SMARCB1: variants seen among roughly 807,000 people sequenced by gnomAD.
SMARCB1 encodes SWI/SNF-related matrix-associated actin-dependent regulator of chromatin subfamily B member 1.
A neutral mutation model predicts 49.0 loss-of-function variants in SMARCB1; 5 were observed. The ratio of observed to expected loss-of-function variants is 0.10; its 90% CI spans 0.05 to 0.21. The LOEUF (loss-of-function observed/expected upper bound fraction) is 0.21, where lower values mean the gene tolerates loss of function less well. Ranked by LOEUF, SMARCB1 falls within the 10% of genes least tolerant of loss-of-function variation. The probability of loss-of-function intolerance (pLI) is 1.00; values close to 1 mark genes in which losing one functional copy is unlikely to be tolerated. For missense variants in SMARCB1, 226 were observed against 509.2 expected (o/e 0.44, Z 5.35); for synonymous variants, 201 against 200.1 (o/e 1.00, Z -0.04).
chr22:23,832,706 C>T (rs2030719497), intron 7 of SMARCB1, among the ~76,000 whole-genome samples: 1 of 152,258 alleles, frequency 6.6e-6, no homozygotes, highest in African/African-American at 2.4e-5. Context: ...CACACGGGCC[C>T]TGTGGCATCC....
At position 23,836,352 on chromosome 22, in the gene SMARCB1, A is replaced by T. The variant is rs35961970; in HGVS notation, c.*2172A>T. 2 of 985,502 alleles carry T rather than the reference A, an allele frequency of 2.0e-6. No homozygotes were observed. The highest frequency in any genetic ancestry group is 3.5e-5 in the African/African-American group (2 of 57,250). 61.0% of individuals were successfully genotyped at this position (985,502 alleles called of 1,614,324 possible). ...AGAGGCTAGATTGGCATCAGCCTGA[A>T]GGCACCACTGGCAGGAACATCTGTA... On this transcript the variant is annotated 3_prime_UTR_variant, in exon 9 of 9. Transcript: ENST00000644036.
chr22:23,821,469 AAGTT>A (rs946722003), intron 6 of SMARCB1, among the ~76,000 whole-genome samples: 9 of 151,850 alleles, frequency 5.9e-5, no homozygotes, highest in Non-Finnish European at 8.8e-5. Flanking sequence ...TCCTGGGTTC[AAGTT>A]ATCCTGCCAT....
At position 23,834,956 on chromosome 22, in the gene SMARCB1, G is replaced by A. The variant is rs1350598295; in HGVS notation, c.*776G>A. On this transcript the variant is annotated 3_prime_UTR_variant, in exon 9 of 9. Transcript: ENST00000644036. ...CCCTGCGGAGGGCCCAGTCCTGTGT[G>A]GGCACTGCTGGGCTGTCGCCAGCCT... The A allele has an allele frequency of 1.3e-6, 2 of 1,568,556 alleles. No individual in the cohort carries two copies. Among genetic ancestry groups the A allele is most frequent in the African/African-American group, 1.4e-5 (1 of 73,612 alleles).
Position 23,836,648 on chromosome 22 carries a change from G to T in SMARCB1, c.*2468G>T. ...CTATCCTACCACCTGCAGTTGGGCT[G>T]AGAGGCCACACTGAGTGAGGACGGG... On this transcript the variant is annotated 3_prime_UTR_variant, in exon 9 of 9. Coordinates refer to ENST00000644036, the MANE Select transcript of SMARCB1 (RefSeq NM_003073.5). The T allele has an allele frequency of 8.0e-7, 1 of 1,251,078 alleles. No homozygotes were observed. The highest frequency in any genetic ancestry group is 1.0e-6 in the Non-Finnish European group (1 of 1,002,060). 77.5% of individuals were successfully genotyped at this position (1,251,078 alleles called of 1,614,324 possible). A position where few individuals can be genotyped will look rare whatever the true frequency, so the allele number is the denominator to read the frequency against.
At chr22:23,796,170 T>G (rs149577471) in intron 3 of SMARCB1, among the ~76,000 whole-genome samples, 1 of 152,256 alleles carries the variant, frequency 6.6e-6, no homozygotes, top group African/African-American at 2.4e-5. Context: ...CCTGGGAATT[T>G]GTCCCAAAGA....
In SMARCB1 at chr22:23,790,630, C is replaced by T. The variant is rs181953105; in HGVS notation, c.94-1126C>T. Reference sequence around the variant, plus strand: ...GGCCGAGGTGGGCAGATCGCTTGAGCCCAGGAGTTTGAGACCAGCCTGGGC... The same window carrying T: ...GGCCGAGGTGGGCAGATCGCTTGAGTCCAGGAGTTTGAGACCAGCCTGGGC... On this transcript the variant is annotated intron_variant, in intron 1 of 8. Transcript: ENST00000644036. 5.0e-3 allele frequency among the ~76,000 whole-genome samples: 753 copies of T among 152,082 alleles called. 20 individuals carry two copies. In the South Asian group the frequency reaches 0.085, roughly 17 times the overall value.
chr22:23,819,177 A>G (rs2029940086), intron 6 of SMARCB1, among the ~76,000 whole-genome samples: 1 of 152,066 alleles, frequency 6.6e-6, no homozygotes, highest in African/African-American at 2.4e-5. Flanking sequence ...GCTAAATAAT[A>G]TTCTGTTGTA....
chr22:23,799,096 G>A (rs1327167711), intron 3 of SMARCB1, among the ~76,000 whole-genome samples: 1 of 151,448 alleles, frequency 6.6e-6, no homozygotes, highest in Non-Finnish European at 1.5e-5. Context: ...CTGAATGGTT[G>A]AATAGTTATT....
In SMARCB1 at chr22:23,802,587, A is replaced by C. The variant is rs181438907; in HGVS notation, c.501-708A>C. 365 of 159,800 alleles carry C rather than the reference A, an allele frequency of 2.3e-3. 2 individuals carry two copies. The highest frequency in any genetic ancestry group is 5.4e-3 in the Admixed American group (93 of 17,202). 9.9% of individuals were successfully genotyped at this position (159,800 alleles called of 1,614,324 possible). A position where few individuals can be genotyped will look rare whatever the true frequency, so the allele number is the denominator to read the frequency against. On this transcript the variant is annotated intron_variant, in intron 4 of 8. Coordinates refer to ENST00000644036, the MANE Select transcript of SMARCB1 (RefSeq NM_003073.5). ...CCCAGCGCATTCATGCCTGGCACTC[A>C]GCTCACTTTTCTCTGTCTTCCATCT...
chr22:23,816,723 C>T (rs759764472), intron 5 of SMARCB1, 47 bp from the exon 6 acceptor site: 80 of 1,558,886 alleles, frequency 5.1e-5, no homozygotes, highest in Middle Eastern at 5.0e-4. Flanking sequence ...GGTCCATGCC[C>T]AAGCATGGTG....
At chr22:23,833,256 C>T (rs908604548) in intron 7 of SMARCB1, among the ~76,000 whole-genome samples, 3 of 152,204 alleles carry the variant, frequency 2.0e-5, no homozygotes, top group Non-Finnish European at 4.4e-5. Flanking sequence ...TGGTCCAGCC[C>T]GTGCTGTCCT....
rs763202805 is a variant in SMARCB1, at chr22:23,816,872, A to T, written c.731A>T (p.Gln244Leu). 3 of 1,614,114 alleles carry T rather than the reference A, an allele frequency of 1.9e-6. No homozygotes were observed. The highest frequency in any genetic ancestry group is 2.5e-6 in the Non-Finnish European group (3 of 1,179,976). The change falls in exon 6 of 9, where the codon CAG (glutamine) becomes CTG (leucine). Residue 244 changes from glutamine (Q) to leucine (L), a missense_variant. This residue lies in a region of SMARCB1 where 128 missense variants were observed against 263.9 expected (regional missense o/e 0.49). Coordinates refer to ENST00000644036, the MANE Select transcript of SMARCB1 (RefSeq NM_003073.5). The stretch of plus-strand genomic sequence containing the variant: ...GCCATCGCCTCTGCCATCAGACAGC[A>T]GATCGAGTCCTACCCCACGGACAGC... Reference protein sequence around the residue: ...VPAIASAIRQQIESYPTDSIL... With the variant: ...VPAIASAIRQLIESYPTDSIL...
chr22:23,792,025 G>A, intron 2 of SMARCB1, 131 bp downstream of exon 2: 1 of 969,644 alleles, frequency 1.0e-6, no homozygotes, highest in South Asian at 1.3e-5. Flanking sequence ...TCCCGGGGTG[G>A]GCCGCCCTGT....
intron 3 of SMARCB1, 91 bp downstream of exon 3, chr22:23,793,779 C>T (rs1360568466): frequency 2.3e-5 from 23 of 1,003,740 alleles, no homozygotes; most frequent in Middle Eastern, 2.4e-4. Context: ...TAAATTGAAA[C>T]ACTTTTTTTT....
At chr22:23,816,638 C>G (rs1230019939) in intron 5 of SMARCB1, 132 bp from the exon 6 acceptor site, 2 of 865,318 alleles carry the variant, frequency 2.3e-6, no homozygotes, top group African/African-American at 3.3e-5. Context: ...CCAGGAAGGC[C>G]ACCCCCAGTG....
At chr22:23,794,626 C>T (rs931398181) in intron 3 of SMARCB1, among the ~76,000 whole-genome samples, 10 of 152,140 alleles carry the variant, frequency 6.6e-5, no homozygotes, top group African/African-American at 1.9e-4. Flanking sequence ...TGGCTGGGCA[C>T]GGTGGCTCAC....
intron 5 of SMARCB1, 182 bp downstream of exon 5, chr22:23,803,604 G>C: frequency 1.3e-6 from 1 of 744,188 alleles, no homozygotes; most frequent in East Asian, 2.7e-5. Context: ...GTTCACTGTG[G>C]ATTGGGCCTG....
At chr22:23,821,783 G>A (rs2030099220) in intron 6 of SMARCB1, among the ~76,000 whole-genome samples, 1 of 151,808 alleles carries the variant, frequency 6.6e-6, no homozygotes, top group African/African-American at 2.4e-5. Flanking sequence ...CCTGGGAGGC[G>A]GAGGTTGCAG....
rs1003472492 is a variant in SMARCB1, at chr22:23,834,279, G to A, written c.*99G>A. 8.3e-6 allele frequency: 11 copies of A among 1,331,492 alleles called. No individual in the cohort carries two copies. The highest frequency in any genetic ancestry group is 3.9e-5 in the Admixed American group (2 of 50,660). The allele number at this position is 1,331,492 out of a possible 1,614,324, so 82.5% of individuals were successfully genotyped here. On this transcript the variant is annotated 3_prime_UTR_variant, in exon 9 of 9. Coordinates refer to ENST00000644036, the MANE Select transcript of SMARCB1 (RefSeq NM_003073.5). ...GACAGAGGCGAGGGGACAGCCCAGC[G>A]CCATCCTGAGGATCGGGTGGGGGTG...
Sources: allele counts gnomAD v4.1 joint callset (sites outside exome capture counted in the v4.1 genomes callset), GRCh38; gene constraint gnomAD v4.1.1; regional missense constraint gnomAD v4.1.1; transcripts MANE v1.5; gene names NCBI Gene and HGNC (gene_info 2026-07-23, HGNC 2026-07-21).